Variants in TOP2B observed in about 807,000 individuals in gnomAD.
TOP2B encodes DNA topoisomerase II beta.
TOP2B carries 51 observed loss-of-function variants against 193.5 expected under a neutral mutation model. The observed-to-expected ratio is 0.26, with a 90% CI of 0.21 to 0.33. The LOEUF (loss-of-function observed/expected upper bound fraction) is 0.33. Ranked by LOEUF, TOP2B falls within the 10% of genes least tolerant of loss-of-function variation. The pLI, the probability that TOP2B is intolerant of heterozygous loss-of-function variation, is 1.00. For synonymous variants in TOP2B, 634 were observed against 635.7 expected (o/e 1.00, Z 0.04); for missense variants, 1,378 against 1,909.3 (o/e 0.72, Z 5.19).
chr3:25,645,265 A>G, intron 2 of TOP2B, 35 bp downstream of exon 2: 1 of 1,474,894 alleles, frequency 6.8e-7, no homozygotes. Flanking sequence ...ATAGATGCAC[A>G]TCTCCTAATT....
chr3:25,609,904 T>G (rs748071575), intron 28 of TOP2B, among the ~76,000 whole-genome samples, 192 bp from the exon 29 acceptor site: 2 of 152,220 alleles, frequency 1.3e-5, no homozygotes, highest in Non-Finnish European at 1.5e-5. Flanking sequence ...ATATTGCATG[T>G]AACTCTTAAT....
chr3:25,611,461 T>C (rs549518421), intron 28 of TOP2B, among the ~76,000 whole-genome samples: 3 of 152,296 alleles, frequency 2.0e-5, no homozygotes, highest in Admixed American at 2.0e-4. Flanking sequence ...TCTAGCTCTT[T>C]AGGCTCATTT....
At chr3:25,609,042 T>TATA (rs1209944898) in intron 30 of TOP2B, 141 bp downstream of exon 30, 2 of 612,372 alleles carry the variant, frequency 3.3e-6, no homozygotes, top group Non-Finnish European at 5.0e-6. Context: ...AAGACTGTTC[T>TATA]ATAAGGCAAT....
At chr3:25,613,735 A>C (rs1702438082) in intron 27 of TOP2B, among the ~76,000 whole-genome samples, 1 of 152,154 alleles carries the variant, frequency 6.6e-6, no homozygotes, top group Non-Finnish European at 1.5e-5. Flanking sequence ...CTCAAAAAAA[A>C]AAAACAAAAA....
Position 25,636,926 on chromosome 3 carries a change from T to C in TOP2B, c.639+289A>G, listed in dbSNP as rs147196104. On this transcript the variant is annotated intron_variant, in intron 6 of 35. Coordinates refer to ENST00000264331, the MANE Select transcript of TOP2B (RefSeq NM_001330700.2). ...TTTTCAAACACACTAAGTGGTTGCA[T>C]GTACATGAGTCTGCGAGGTTCAGGA... Among the ~76,000 whole-genome samples the C allele has an allele frequency of 3.1e-3, 477 of 152,150 alleles. 2 individuals carry two copies. Among genetic ancestry groups the C allele is most frequent in the Non-Finnish European group, 5.0e-3 (339 of 67,888 alleles).
chr3:25,618,622 T>G (rs759644398), intron 24 of TOP2B, 32 bp downstream of exon 24: 1 of 1,565,404 alleles, frequency 6.4e-7, no homozygotes, highest in Non-Finnish European at 8.6e-7. Context: ...CCATTTTAAC[T>G]AATGTTCAAA....
intron 28 of TOP2B, among the ~76,000 whole-genome samples, 154 bp downstream of exon 28, chr3:25,612,361 T>C (rs920347690): frequency 1.3e-5 from 2 of 152,214 alleles, no homozygotes; most frequent in Non-Finnish European, 1.5e-5. Flanking sequence ...TTTCCTTCTA[T>C]AGATCAACTG....
intron 4 of TOP2B, among the ~76,000 whole-genome samples, chr3:25,640,908 C>T (rs937439078): frequency 5.9e-5 from 9 of 151,806 alleles, no homozygotes; most frequent in Admixed American, 4.6e-4. Flanking sequence ...AAGCACATGC[C>T]GCCACCATGC....
chr3:25,599,157 C>CT, intron 35 of TOP2B, among the ~76,000 whole-genome samples: 1 of 152,058 alleles, frequency 6.6e-6, no homozygotes. Context: ...ATATTTTAGT[C>CT]TGAAAGAGTC....
Position 25,633,768 on chromosome 3 carries a change from G to T in TOP2B, c.1026+73C>A, listed in dbSNP as rs939971720. On this transcript the variant is annotated intron_variant, in intron 8 of 35. Coordinates refer to ENST00000264331, the MANE Select transcript of TOP2B (RefSeq NM_001330700.2). ...GGGTTTTTTGGGGGTTGTGGATATT[G>T]TTATTTGTTTTGTAGTTTTTATTGA... 3 of 1,310,882 alleles carry T rather than the reference G, an allele frequency of 2.3e-6. No individual in the cohort carries two copies. The African/African-American group carries it at 4.5e-5, about 20-fold the overall frequency. 81.2% of individuals were successfully genotyped at this position (1,310,882 alleles called of 1,614,324 possible). A position where few individuals can be genotyped will look rare whatever the true frequency, so the allele number is the denominator to read the frequency against.
At position 25,617,252 on chromosome 3, in the gene TOP2B, G is replaced by A. The variant is rs189132046; in HGVS notation, c.3351+1166C>T. 1.8e-3 allele frequency among the ~76,000 whole-genome samples: 275 copies of A among 151,948 alleles called. 2 individuals are homozygous for A. Among genetic ancestry groups the A allele is most frequent in the African/African-American group, 6.3e-3 (261 of 41,466 alleles). On this transcript the variant is annotated intron_variant, in intron 25 of 35. Transcript: ENST00000264331. ...AAAAAAACATATAGTTTAAACCAAC[G>A]GTGATACAGAAAGGCAAAAGGCAAG...
In TOP2B at chr3:25,630,348, G is replaced by A; in HGVS notation, c.1527C>T (p.Gly509=). The A allele has an allele frequency of 6.4e-7, 1 of 1,551,398 alleles. No individual in the cohort carries two copies. Among genetic ancestry groups the A allele is most frequent in the Non-Finnish European group, 8.7e-7 (1 of 1,146,762 alleles). The change falls in exon 12 of 36, where the codon GGC becomes GGT. Residue 509 remains glycine, a synonymous_variant. Transcript: ENST00000264331. ...RDRYGVFPLR[G]KILNVREASH... ...AAGCTTCCCGTACATTAAGAATTTT[G>A]CCCCTGAGTGGAAAAACTCCGTATC...
intron 1 of TOP2B, among the ~76,000 whole-genome samples, chr3:25,657,868 C>T (rs139036590): frequency 0.019 from 1,994 of 104,540 alleles, 15 homozygotes; most frequent in Non-Finnish European, 0.026. Flanking sequence ...GAGACCATCC[C>T]GGCTAAAACG....
chr3:25,618,747 C>T lies in TOP2B; in HGVS notation c.3166G>A (p.Glu1056Lys). ...LRLSYYGLRK[E>K]WLVGMLGAES... ...GCTCCCAACATTCCCACAAGCCACT[C>T]CTTACGTAAACCGTAATAACTTAAT... is the stretch of plus-strand genomic sequence containing the variant. Residue 1056 changes from glutamate (E) to lysine (K), a missense_variant, in exon 24 of 36, where the codon GAG (glutamate) becomes AAG (lysine). Physicochemically the swap from Glu to Lys is moderately conservative, Grantham distance 56 (BLOSUM62 1). This residue lies in a region of TOP2B where 379 missense variants were observed against 615.1 expected (regional missense o/e 0.62). Coordinates refer to ENST00000264331, the MANE Select transcript of TOP2B (RefSeq NM_001330700.2). 1 of 1,613,588 alleles carries T rather than the reference C, an allele frequency of 6.2e-7. No individual in the cohort carries two copies. Among genetic ancestry groups the T allele is most frequent in the Non-Finnish European group, 8.5e-7 (1 of 1,179,684 alleles).
intron 21 of TOP2B, 65 bp from the exon 22 acceptor site, chr3:25,620,881 C>A: frequency 6.7e-7 from 1 of 1,497,024 alleles, no homozygotes; most frequent in South Asian, 1.3e-5. Context: ...AGTCTATGGT[C>A]TAACATTGAC....
At chr3:25,657,481 T>C (rs930512837) in intron 1 of TOP2B, among the ~76,000 whole-genome samples, 14 of 152,216 alleles carry the variant, frequency 9.2e-5, no homozygotes, top group African/African-American at 3.1e-4. Context: ...ACACTCTTGC[T>C]GACAATATTC....
rs139762540 is a variant in TOP2B, at chr3:25,648,578, C to T, written c.70-3108G>A. The stretch of plus-strand genomic sequence containing the variant: ...TCAATGTAAAAAACTAAATTGCAGC[C>T]AGGCGCAGTGGCTCACACCTGTAAT... On this transcript the variant is annotated intron_variant, in intron 1 of 35. Coordinates refer to ENST00000264331, the MANE Select transcript of TOP2B (RefSeq NM_001330700.2). Among the ~76,000 whole-genome samples the T allele has an allele frequency of 5.3e-5, 8 of 152,286 alleles. No homozygotes were observed. In the East Asian group the frequency reaches 1.5e-3, roughly 29 times the overall value.
At chr3:25,616,171 A>T (rs1223680849) in intron 25 of TOP2B, among the ~76,000 whole-genome samples, 4 of 151,964 alleles carry the variant, frequency 2.6e-5, no homozygotes, top group Admixed American at 1.3e-4. Context: ...GTTTTGCTGA[A>T]ATTTTATTCA....
At chr3:25,628,513 T>A (rs968061103) in intron 15 of TOP2B, among the ~76,000 whole-genome samples, 2 of 152,116 alleles carry the variant, frequency 1.3e-5, no homozygotes, top group Non-Finnish European at 2.9e-5. Context: ...ATAATGGTAT[T>A]ATGGGTTACT....
Sources: gnomAD v4.1 joint callset for allele counts (sites outside exome capture counted in the v4.1 genomes callset) on GRCh38, gnomAD v4.1.1 for gene constraint, gnomAD v4.1.1 regional missense constraint, MANE v1.5 for transcripts, NCBI Gene and HGNC (gene_info 2026-07-23, HGNC 2026-07-21) for gene names.